CSMD1: variants seen among roughly 807,000 people sequenced by gnomAD.
CSMD1 encodes CUB and Sushi multiple domains 1, also known as CUB and sushi domain-containing protein 1.
A neutral mutation model predicts 417.5 loss-of-function variants in CSMD1; 213 were observed. The ratio of observed to expected loss-of-function variants is 0.51; its 90% CI spans 0.46 to 0.57. CSMD1 has a LOEUF of 0.57. Among genes scored for constraint, CSMD1 ranks in the 20% least tolerant of loss-of-function variants. CSMD1 has a pLI of 0.00. For missense variants in CSMD1, 6,923 were observed against 4,529.7 expected, an observed-to-expected ratio of 1.53 and a Z score of -15.17; for synonymous variants, 2,862 against 1,736.8, an observed-to-expected ratio of 1.65 and a Z score of -16.11.
At chr8:4,418,199 T>A (rs529296921) in intron 3 of CSMD1, among the ~76,000 whole-genome samples, 1 of 152,052 alleles carries the variant, frequency 6.6e-6, no homozygotes, top group African/African-American at 2.4e-5. Flanking sequence ...CCATTTCAAA[T>A]CGAAATACCA....
At chr8:3,296,681 G>T (rs145056551) in intron 25 of CSMD1, among the ~76,000 whole-genome samples, 1 of 152,186 alleles carries the variant, frequency 6.6e-6, no homozygotes, top group East Asian at 1.9e-4. Context: ...TCCTGGATAC[G>T]TTTTGAAGGG....
chr8:4,217,311 T>G, intron 3 of CSMD1, among the ~76,000 whole-genome samples: 1 of 152,222 alleles, frequency 6.6e-6, no homozygotes, highest in East Asian at 1.9e-4. Flanking sequence ...GCACTGTGAA[T>G]CCCCTGTGTG....
At chr8:3,949,302 C>G (rs1811446100) in intron 5 of CSMD1, among the ~76,000 whole-genome samples, 1 of 152,104 alleles carries the variant, frequency 6.6e-6, no homozygotes, top group Non-Finnish European at 1.5e-5. Flanking sequence ...CTTAAACTTT[C>G]TCATCCTGTC....
intron 3 of CSMD1, among the ~76,000 whole-genome samples, chr8:4,217,677 A>T (rs955912074): frequency 3.3e-5 from 5 of 151,350 alleles, no homozygotes; most frequent in Admixed American, 1.3e-4. Context: ...AAAAATTAGG[A>T]GCTAATTTTG....
rs117726177 is a variant in CSMD1, at chr8:3,964,377, G to C, written c.818+33526C>G. ...GGTACAACTTAATTCACATTTGTTT[G>C]TATCAATTCCAACGTATAATTTAGC... On this transcript the variant is annotated intron_variant, in intron 5 of 69. Coordinates refer to ENST00000635120, the MANE Select transcript of CSMD1 (RefSeq NM_033225.6). Among the ~76,000 whole-genome samples, 469 of 152,232 alleles carry C rather than the reference G, an allele frequency of 3.1e-3. 5 individuals are homozygous for C. In the East Asian group the frequency reaches 0.045, roughly 15 times the overall value.
At chr8:4,905,259 A>G (rs1805166274) in intron 1 of CSMD1, among the ~76,000 whole-genome samples, 1 of 152,114 alleles carries the variant, frequency 6.6e-6, no homozygotes, top group Non-Finnish European at 1.5e-5. Flanking sequence ...TTAACCAGCT[A>G]TTTTCAGTCA....
At chr8:3,642,616 T>G (rs1797363489) in intron 7 of CSMD1, among the ~76,000 whole-genome samples, 1 of 152,224 alleles carries the variant, frequency 6.6e-6, no homozygotes, top group South Asian at 2.1e-4. Context: ...AAACCTGGCA[T>G]CGTGAGTGGA....
At chr8:4,598,895 T>C (rs895888768) in intron 2 of CSMD1, among the ~76,000 whole-genome samples, 3 of 151,574 alleles carry the variant, frequency 2.0e-5, no homozygotes, top group African/African-American at 7.2e-5. Flanking sequence ...ATGACTTTTT[T>C]CCTAGAGTCA....
At chr8:3,340,956 CT>C (rs1488844520) in intron 23 of CSMD1, among the ~76,000 whole-genome samples, 13 of 152,208 alleles carry the variant, frequency 8.5e-5, no homozygotes, top group African/African-American at 3.1e-4. Flanking sequence ...TCCAATATTT[CT>C]TTCTCCTATT....
intron 3 of CSMD1, among the ~76,000 whole-genome samples, chr8:4,277,693 A>G (rs546065977): frequency 9.8e-5 from 15 of 152,308 alleles, no homozygotes; most frequent in African/African-American, 3.6e-4. Context: ...ACAGAATTTA[A>G]GAAACTCCTT....
chr8:3,047,620 G>A (rs1038816096), intron 50 of CSMD1, among the ~76,000 whole-genome samples: 1 of 152,134 alleles, frequency 6.6e-6, no homozygotes, highest in Non-Finnish European at 1.5e-5. Flanking sequence ...GTTTGCTCCC[G>A]TCTTTTCGAA....
At chr8:4,161,708 A>T (rs759150673) in intron 3 of CSMD1, among the ~76,000 whole-genome samples, 1 of 152,232 alleles carries the variant, frequency 6.6e-6, no homozygotes, top group African/African-American at 2.4e-5. Context: ...GCCACGAATC[A>T]TAAGAAAACC....
chr8:3,697,091 G>A (rs1800595230), intron 7 of CSMD1, among the ~76,000 whole-genome samples: 2 of 152,108 alleles, frequency 1.3e-5, no homozygotes, highest in African/African-American at 4.8e-5. Context: ...AATAACTGCA[G>A]GCCCAATATT....
intron 3 of CSMD1, among the ~76,000 whole-genome samples, chr8:4,120,946 G>A (rs1311526725): frequency 1.3e-5 from 2 of 152,094 alleles, no homozygotes; most frequent in African/African-American, 2.4e-5. Flanking sequence ...TGTATAATAA[G>A]AATACTTTTC....
At chr8:3,190,851 C>G (rs1242044742) in intron 33 of CSMD1, among the ~76,000 whole-genome samples, 1 of 152,206 alleles carries the variant, frequency 6.6e-6, no homozygotes, top group South Asian at 2.1e-4. Flanking sequence ...GTGAAATAAG[C>G]AAATAAGCAG....
chr8:4,961,631 T>G (rs1339387115), intron 1 of CSMD1, among the ~76,000 whole-genome samples: 3 of 152,202 alleles, frequency 2.0e-5, no homozygotes, highest in Non-Finnish European at 4.4e-5. Flanking sequence ...AACTTTTGTA[T>G]GAGCTCTATT....
At chr8:3,965,865 C>G (rs1470518976) in intron 5 of CSMD1, among the ~76,000 whole-genome samples, 1 of 152,128 alleles carries the variant, frequency 6.6e-6, no homozygotes, top group African/African-American at 2.4e-5. Flanking sequence ...ACTGTGCCAG[C>G]CTTGGCCTTT....
At chr8:4,244,378 G>T (rs530549120) in intron 3 of CSMD1, among the ~76,000 whole-genome samples, 1 of 152,150 alleles carries the variant, frequency 6.6e-6, no homozygotes, top group Non-Finnish European at 1.5e-5. Flanking sequence ...CCTAGAAACG[G>T]ATGTTTTTAT....
chr8:3,145,971 A>C (rs576676363), intron 40 of CSMD1, among the ~76,000 whole-genome samples: 1 of 152,366 alleles, frequency 6.6e-6, no homozygotes, highest in East Asian at 1.9e-4. Context: ...TCTCAGAGTT[A>C]AACCCTAGTT....
Sources: allele counts gnomAD v4.1 joint callset (sites outside exome capture counted in the v4.1 genomes callset), GRCh38; gene constraint gnomAD v4.1.1; transcripts MANE v1.5; gene names NCBI Gene and HGNC (gene_info 2026-07-23, HGNC 2026-07-21).